PTPRD: variants seen among roughly 807,000 people sequenced by gnomAD.
The protein encoded by PTPRD is receptor-type tyrosine-protein phosphatase delta.
Under a neutral mutation model 214.5 loss-of-function variants are expected in PTPRD, and 34 were observed. The ratio of observed to expected loss-of-function variants is 0.16; its 90% CI spans 0.12 to 0.21. PTPRD has a LOEUF of 0.21. Among genes scored for constraint, PTPRD ranks in the 10% least tolerant of loss-of-function variants. The pLI, the probability that PTPRD is intolerant of heterozygous loss-of-function variation, is 1.00. For missense variants in PTPRD, 2,545 were observed against 2,398.7 expected (o/e 1.06, Z -1.27); for synonymous variants, 1,128 against 845.7 (o/e 1.33, Z -5.79).
chr9:9,846,717 C>T (rs528770400), intron 5 of PTPRD, among the ~76,000 whole-genome samples: 3 of 152,016 alleles, frequency 2.0e-5, no homozygotes, highest in African/African-American at 7.2e-5. Context: ...CCAACTAAAC[C>T]AAATGAAAGA....
chr9:10,048,947 A>G (rs575338249), intron 3 of PTPRD, among the ~76,000 whole-genome samples: 1 of 152,234 alleles, frequency 6.6e-6, no homozygotes, highest in East Asian at 1.9e-4. Context: ...GCCTGGAATT[A>G]TAAGGTATTT....
intron 2 of PTPRD, among the ~76,000 whole-genome samples, chr9:10,438,191 A>T (rs970404969): frequency 6.6e-6 from 1 of 151,272 alleles, no homozygotes; most frequent in Non-Finnish European, 1.5e-5. Context: ...TTCAGTTTTC[A>T]TTCATATAAC....
intron 7 of PTPRD, among the ~76,000 whole-genome samples, chr9:9,637,121 A>C (rs954929213): frequency 6.6e-6 from 1 of 152,162 alleles, no homozygotes; most frequent in Non-Finnish European, 1.5e-5. Flanking sequence ...GTATGGATTA[A>C]GTTTCCAACA....
intron 12 of PTPRD, chr9:8,713,709 G>A (rs2098396283): frequency 2.7e-6 from 4 of 1,509,114 alleles, no homozygotes; most frequent in Non-Finnish European, 3.6e-6. Flanking sequence ...AAGAGATCGC[G>A]GCCAGCAAGT....
intron 4 of PTPRD, among the ~76,000 whole-genome samples, chr9:9,950,358 A>T (rs933647429): frequency 1.3e-5 from 2 of 152,172 alleles, no homozygotes; most frequent in East Asian, 3.9e-4. Flanking sequence ...GAGCTAGGGA[A>T]GCTGGTGGAG....
At chr9:9,290,007 ATT>A (rs1429253732) in intron 9 of PTPRD, among the ~76,000 whole-genome samples, 1 of 151,690 alleles carries the variant, frequency 6.6e-6, no homozygotes, top group Non-Finnish European at 1.5e-5. Flanking sequence ...TCGTGGTTCT[ATT>A]TTTAATTTTT....
intron 11 of PTPRD, among the ~76,000 whole-genome samples, chr9:8,764,050 G>A (rs751353734): frequency 1.3e-5 from 2 of 152,138 alleles, no homozygotes; most frequent in Non-Finnish European, 2.9e-5. Flanking sequence ...TAAGTGAAGG[G>A]AGTGTTAATT....
intron 7 of PTPRD, among the ~76,000 whole-genome samples, chr9:9,671,312 A>T (rs2096828263): frequency 6.6e-6 from 1 of 152,154 alleles, no homozygotes; most frequent in Admixed American, 6.6e-5. Flanking sequence ...ATAGTTACCC[A>T]ATACCTGTAT....
At chr9:10,466,795 T>G (rs888113641) in intron 2 of PTPRD, among the ~76,000 whole-genome samples, 5 of 152,094 alleles carry the variant, frequency 3.3e-5, no homozygotes, top group Non-Finnish European at 7.4e-5. Flanking sequence ...GGGGGAATTA[T>G]GACTAGATGG....
Position 8,823,212 on chromosome 9 carries a change from C to G in PTPRD, c.-103-89266G>C, listed in dbSNP as rs138220470. On this transcript the variant is annotated intron_variant, in intron 11 of 45. Transcript: ENST00000381196. ...CTCAGGCTCCTTAGAAGTTTCACCC[C>G]CTTTGCCTGACCTCTAAATGTTCAG... Among the ~76,000 whole-genome samples the G allele has an allele frequency of 5.3e-5, 8 of 152,216 alleles. No homozygotes were observed. The East Asian group carries it at 1.2e-3, about 22-fold the overall frequency.
At chr9:10,236,127 C>T (rs2099628019) in intron 3 of PTPRD, among the ~76,000 whole-genome samples, 2 of 151,868 alleles carry the variant, frequency 1.3e-5, no homozygotes, top group Admixed American at 1.3e-4. Flanking sequence ...TAACTAATTT[C>T]ACGTCCTAAC....
chr9:10,531,145 T>A (rs1282551892), intron 2 of PTPRD, among the ~76,000 whole-genome samples: 1 of 152,096 alleles, frequency 6.6e-6, no homozygotes, highest in Non-Finnish European at 1.5e-5. Flanking sequence ...AGACGGGGTT[T>A]CACCATGTTG....
At chr9:10,376,650 A>G (rs1212640817) in intron 2 of PTPRD, among the ~76,000 whole-genome samples, 1 of 151,850 alleles carries the variant, frequency 6.6e-6, no homozygotes. Context: ...CTTCAATGCT[A>G]TTTAAATACA....
At chr9:9,992,744 G>T (rs1365264216) in intron 4 of PTPRD, among the ~76,000 whole-genome samples, 1 of 151,730 alleles carries the variant, frequency 6.6e-6, no homozygotes, top group African/African-American at 2.4e-5. Flanking sequence ...GGTGGGAGTT[G>T]AACCATGAGA....
At chr9:8,490,012 A>T (rs1333119817) in intron 27 of PTPRD, among the ~76,000 whole-genome samples, 1 of 152,192 alleles carries the variant, frequency 6.6e-6, no homozygotes, top group Non-Finnish European at 1.5e-5. Context: ...CTGTGGAGTC[A>T]GGTTTCTAAT....
chr9:9,880,870 G>A (rs915011560), intron 5 of PTPRD, among the ~76,000 whole-genome samples: 1 of 152,012 alleles, frequency 6.6e-6, no homozygotes, highest in Admixed American at 6.6e-5. Context: ...CCTACTGTCT[G>A]AAACTGACTT....
At chr9:9,780,159 G>A (rs1597588769) in intron 5 of PTPRD, among the ~76,000 whole-genome samples, 1 of 152,130 alleles carries the variant, frequency 6.6e-6, no homozygotes, top group African/African-American at 2.4e-5. Context: ...CACAGAACAA[G>A]AAAGCCAAAT....
intron 3 of PTPRD, among the ~76,000 whole-genome samples, chr9:10,252,777 C>T (rs1271498378): frequency 6.6e-6 from 1 of 151,906 alleles, no homozygotes; most frequent in Non-Finnish European, 1.5e-5. Context: ...AGTCACAGAG[C>T]CGAAGTGTAT....
At chr9:8,404,770 T>A in intron 35 of PTPRD, 110 bp from the exon 36 acceptor site, 1 of 1,326,960 alleles carries the variant, frequency 7.5e-7, no homozygotes, top group Non-Finnish European at 1.0e-6. Context: ...TCTGAAGCCA[T>A]ACTTCATCAA....
Sources: gnomAD v4.1 joint callset for allele counts (sites outside exome capture counted in the v4.1 genomes callset) on GRCh38, gnomAD v4.1.1 for gene constraint, MANE v1.5 for transcripts, NCBI Gene and HGNC (gene_info 2026-07-23, HGNC 2026-07-21) for gene names.